COL25A1: variants seen among roughly 807,000 people sequenced by gnomAD.
The protein encoded by COL25A1 is collagen alpha-1(XXV) chain.
COL25A1 carries 103 observed loss-of-function variants against 128.4 expected under a neutral mutation model. That is an observed-to-expected ratio of 0.80 (90% confidence interval 0.68 to 0.94). The LOEUF (loss-of-function observed/expected upper bound fraction) is 0.94, where lower values mean the gene tolerates loss of function less well. Ranked by LOEUF, COL25A1 falls within the 40% of genes least tolerant of loss-of-function variation. The probability of loss-of-function intolerance (pLI) is 0.00; values close to 1 mark genes in which losing one functional copy is unlikely to be tolerated. For missense variants in COL25A1, 745 were observed against 840.0 expected, an observed-to-expected ratio of 0.89 and a Z score of 1.40; for synonymous variants, 279 against 277.2, an observed-to-expected ratio of 1.01 and a Z score of -0.06.
chr4:109,133,225 T>C (rs1444941761), intron 3 of COL25A1, among the ~76,000 whole-genome samples: 1 of 152,104 alleles, frequency 6.6e-6, no homozygotes, highest in Non-Finnish European at 1.5e-5. Context: ...AATTTTAGTT[T>C]AAGTATTGAA....
intron 3 of COL25A1, among the ~76,000 whole-genome samples, chr4:109,082,948 A>T (rs1469953209): frequency 6.6e-6 from 1 of 152,204 alleles, no homozygotes; most frequent in African/African-American, 2.4e-5. Flanking sequence ...AAAGAATCTC[A>T]TTAAATATTA....
In COL25A1 at chr4:109,302,153, A is replaced by C; in HGVS notation, c.-57+16T>G. On this transcript the variant is annotated intron_variant, in intron 1 of 37. Coordinates refer to ENST00000399132, the MANE Select transcript of COL25A1 (RefSeq NM_198721.4). The stretch of plus-strand genomic sequence containing the variant: ...ACAACTAGTTGGTGGAGTCAAGCCC[A>C]CGAGCGGATACGGACCCCTGCCTTG... 8.6e-7 allele frequency: 1 copy of C among 1,169,548 alleles called. No homozygotes were observed. Among genetic ancestry groups the C allele is most frequent in the Non-Finnish European group, 1.2e-6 (1 of 858,170 alleles). The allele number at this position is 1,169,548 out of a possible 1,614,324, so 72.4% of individuals were successfully genotyped here.
chr4:109,189,061 T>TG (rs142435005), intron 3 of COL25A1, among the ~76,000 whole-genome samples: 3,550 of 152,300 alleles, frequency 0.023, 122 homozygotes, highest in African/African-American at 0.073. Flanking sequence ...TTTAAAAAGA[T>TG]GGATAATATT....
chr4:109,196,030 G>T (rs1776010421), intron 3 of COL25A1, among the ~76,000 whole-genome samples: 1 of 152,164 alleles, frequency 6.6e-6, no homozygotes, highest in South Asian at 2.1e-4. Flanking sequence ...AAGCGAAGAA[G>T]GTAATTGACC....
chr4:108,994,995 C>T (rs1320093963), intron 6 of COL25A1, among the ~76,000 whole-genome samples: 3 of 152,152 alleles, frequency 2.0e-5, no homozygotes, highest in Non-Finnish European at 4.4e-5. Context: ...GTAGATAAAA[C>T]CACAAAGATG....
rs746774871 is a variant in COL25A1 at position 109,143,328 on chromosome 4, GC to G, written c.368-93150del. On this transcript the variant is annotated intron_variant, in intron 3 of 37. Coordinates refer to ENST00000399132, the MANE Select transcript of COL25A1 (RefSeq NM_198721.4). ...GGTAACCTGACCTTTCTTTCTGGCT[GC>G]CCTTAACGTTTTTTCCTTCATTTTA... Among the ~76,000 whole-genome samples, 11 of 152,270 alleles carry G rather than the reference GC, an allele frequency of 7.2e-5. No homozygotes were observed. In the East Asian group the frequency reaches 2.1e-3, roughly 29 times the overall value.
intron 3 of COL25A1, among the ~76,000 whole-genome samples, chr4:109,143,274 G>A (rs1405471629): frequency 1.3e-5 from 2 of 152,200 alleles, no homozygotes; most frequent in Non-Finnish European, 1.5e-5. Flanking sequence ...AGAGTGATCT[G>A]CTGTTAGTCT....
intron 3 of COL25A1, among the ~76,000 whole-genome samples, chr4:109,271,084 G>A (rs1251472455): frequency 6.6e-6 from 1 of 152,130 alleles, no homozygotes; most frequent in Non-Finnish European, 1.5e-5. Flanking sequence ...TCCAAAGCCT[G>A]AGCCCCTTCC....
intron 32 of COL25A1, 45 bp downstream of exon 32, chr4:108,832,335 T>C (rs766377982): frequency 7.3e-7 from 1 of 1,367,312 alleles, no homozygotes; most frequent in Non-Finnish European, 1.0e-6. Flanking sequence ...AGCCATGCTC[T>C]GTGTTTTCTT....
chr4:108,950,132 G>A (rs1297237352), intron 8 of COL25A1, among the ~76,000 whole-genome samples: 2 of 151,992 alleles, frequency 1.3e-5, no homozygotes, highest in Non-Finnish European at 2.9e-5. Context: ...GCTCTTAGAC[G>A]ACCCTTTGCT....
At chr4:109,226,774 C>T (rs951980958) in intron 3 of COL25A1, among the ~76,000 whole-genome samples, 1 of 152,050 alleles carries the variant, frequency 6.6e-6, no homozygotes, top group African/African-American at 2.4e-5. Context: ...AACATAAAAA[C>T]ATGGCAGAAC....
intron 6 of COL25A1, among the ~76,000 whole-genome samples, chr4:109,005,250 T>G (rs1422986593): frequency 3.3e-5 from 5 of 152,256 alleles, no homozygotes; most frequent in African/African-American, 1.2e-4. Context: ...CACACATTTT[T>G]AAACAACTAG....
At chr4:108,845,139 G>C (rs780471852) in intron 29 of COL25A1, 50 bp downstream of exon 29, 3 of 1,446,818 alleles carry the variant, frequency 2.1e-6, no homozygotes, top group Non-Finnish European at 2.9e-6. Flanking sequence ...TAACATGTCA[G>C]TGTGTGAGGA....
chr4:108,997,516 C>T (rs949592757), intron 6 of COL25A1, among the ~76,000 whole-genome samples: 1 of 152,058 alleles, frequency 6.6e-6, no homozygotes, highest in Non-Finnish European at 1.5e-5. Flanking sequence ...CAAGACCAGA[C>T]GAATTCACAG....
chr4:109,223,682 T>C (rs1427063138), intron 3 of COL25A1, among the ~76,000 whole-genome samples: 1 of 151,204 alleles, frequency 6.6e-6, no homozygotes, highest in Non-Finnish European at 1.5e-5. Context: ...TCAGAACTCC[T>C]TGGAGTACAG....
intron 6 of COL25A1, among the ~76,000 whole-genome samples, chr4:108,991,847 C>T (rs781427739): frequency 2.6e-5 from 4 of 152,104 alleles, no homozygotes; most frequent in Non-Finnish European, 4.4e-5. Context: ...TAATTAAAAA[C>T]ATATGAATAG....
intron 24 of COL25A1, among the ~76,000 whole-genome samples, chr4:108,857,537 GC>G (rs1736669954): frequency 6.7e-6 from 1 of 148,398 alleles, no homozygotes; most frequent in Admixed American, 6.7e-5. Flanking sequence ...TAATGAAAAG[GC>G]CAAAAAATAG....
rs115661978 is a variant in COL25A1, at chr4:108,886,775, C to A, written c.975+2446G>T. ...AAAAGTGTAACATATCTGTATAAAG[C>A]TTAACCTTCAGGTTTAGACTTTTGC... On this transcript the variant is annotated intron_variant, in intron 18 of 37. Transcript: ENST00000399132. Among the ~76,000 whole-genome samples, 386 of 152,136 alleles carry A rather than the reference C, an allele frequency of 2.5e-3. 3 individuals carry two copies. Among genetic ancestry groups the A allele is most frequent in the African/African-American group, 9.0e-3 (372 of 41,502 alleles).
intron 5 of COL25A1, among the ~76,000 whole-genome samples, chr4:109,012,551 C>T (rs900860167): frequency 4.6e-5 from 7 of 152,082 alleles, no homozygotes; most frequent in Admixed American, 1.3e-4. Flanking sequence ...GCGGGCTTGG[C>T]GGGCCCACAC....
Sources: allele counts gnomAD v4.1 joint callset (sites outside exome capture counted in the v4.1 genomes callset), GRCh38; gene constraint gnomAD v4.1.1; transcripts MANE v1.5; gene names NCBI Gene and HGNC (gene_info 2026-07-23, HGNC 2026-07-21).